Variants in PER3 observed in about 807,000 individuals in gnomAD.
PER3 encodes the protein period circadian protein homolog 3.
A neutral mutation model predicts 127.2 loss-of-function variants in PER3; 107 were observed. The ratio of observed to expected loss-of-function variants is 0.84; its 90% CI spans 0.72 to 0.99. The LOEUF is 0.99. Among genes scored for constraint, PER3 ranks in the 50% least tolerant of loss-of-function variants. PER3 has a pLI of 0.00. For missense variants in PER3, 1,560 were observed against 1,525.8 expected (o/e 1.02, Z -0.37); for synonymous variants, 618 against 585.8 (o/e 1.05, Z -0.79).
Position 7,827,559 on chromosome 1 carries a change from C to G in PER3, c.2630C>G (p.Pro877Arg), listed in dbSNP as rs137949562. ...TTGTCGCCATCGTTTTTGCCATGTC[C>G]ATTCCTGGGGGCGACAGCCTCTTCT... ...PLLSPSFLPC[P>R]FLGATASSAI... Residue 877 changes from proline (P) to arginine (R), a missense_variant, in exon 18 of 22, where the codon CCA (proline) becomes CGA (arginine). Pro to Arg is a moderately radical substitution (Grantham distance 103). This residue lies in a region of PER3 where 1,332 missense variants were observed against 1,223.6 expected (regional missense o/e 1.09). Transcript: ENST00000377532. 1 of 1,614,168 alleles carries G rather than the reference C, an allele frequency of 6.2e-7. No homozygotes were observed. The highest frequency in any genetic ancestry group is 8.5e-7 in the Non-Finnish European group (1 of 1,180,030).
Position 7,820,454 on chromosome 1 carries a change from C to A in PER3, c.1784-13C>A, listed in dbSNP as rs763936604. On this transcript the variant is annotated splice_polypyrimidine_tract_variant and intron_variant, in intron 15 of 21. Coordinates refer to ENST00000377532, the MANE Select transcript of PER3 (RefSeq NM_001377275.1). ...ATTTTTCTTTTCACTGTCAGTTTCT[C>A]TTACACCACCAGCTGGTTTGCAAAT... is the stretch of plus-strand genomic sequence containing the variant. 6.2e-7 allele frequency: 1 copy of A among 1,603,578 alleles called. No homozygotes were observed. Among genetic ancestry groups the A allele is most frequent in the Admixed American group, 1.7e-5 (1 of 58,244 alleles).
intron 3 of PER3, among the ~76,000 whole-genome samples, chr1:7,786,138 C>T (rs1292228175): frequency 6.6e-6 from 1 of 152,164 alleles, no homozygotes; most frequent in Non-Finnish European, 1.5e-5. Context: ...CGCCTGTAGT[C>T]CAGCTATTCG....
At chr1:7,796,145 T>C (rs1254036016) in intron 6 of PER3, among the ~76,000 whole-genome samples, 1 of 152,118 alleles carries the variant, frequency 6.6e-6, no homozygotes, top group Non-Finnish European at 1.5e-5. Context: ...AGACATTCCT[T>C]AGCCCAGACT....
chr1:7,795,098 TG>T (rs909466217), intron 6 of PER3, among the ~76,000 whole-genome samples: 1 of 151,778 alleles, frequency 6.6e-6, no homozygotes, highest in African/African-American at 2.4e-5. Context: ...TCTGGATGCT[TG>T]GGGGGGACGG....
chr1:7,786,930 A>G (rs2097094300), intron 4 of PER3, 94 bp downstream of exon 4: 1 of 734,226 alleles, frequency 1.4e-6, no homozygotes, highest in Non-Finnish European at 2.4e-6. Flanking sequence ...ACAACGTTTC[A>G]GCAACCACAA....
Position 7,803,772 on chromosome 1 carries a change from G to T in PER3, c.1060G>T (p.Asp354Tyr). The change falls in exon 10 of 22, where the codon GAT (aspartate) becomes TAT (tyrosine). Residue 354 changes from aspartate (D) to tyrosine (Y), a missense_variant. This residue lies in a region of PER3 where 1,332 missense variants were observed against 1,223.6 expected (regional missense o/e 1.09). Transcript: ENST00000377532. ...TCAAAACGGAGACTACATCATACTG[G>T]ATTCCAGTTGGTCCAGCTTTGTGAA... ...CTQNGDYIIL[D>Y]SSWSSFVNPW... is the part of the protein sequence containing the mutation. 6.2e-7 allele frequency: 1 copy of T among 1,612,812 alleles called. No homozygotes were observed. Among genetic ancestry groups the T allele is most frequent in the Non-Finnish European group, 8.5e-7 (1 of 1,178,840 alleles).
rs541957101 is a variant in PER3, at chr1:7,835,965, A to T, written c.3398+20A>T. On this transcript the variant is annotated intron_variant, in intron 20 of 21. Transcript: ENST00000377532. ...TGAGAGGTAAGAAAGCACTTTAGAA[A>T]ACCCACTTTTTATATTTTTGTGGTT... is the stretch of plus-strand genomic sequence containing the variant. 1 of 1,495,002 alleles carries T rather than the reference A, an allele frequency of 6.7e-7. No individual in the cohort carries two copies. The highest frequency in any genetic ancestry group is 1.2e-5 in the South Asian group (1 of 82,456). 92.6% of individuals were successfully genotyped at this position (1,495,002 alleles called of 1,614,324 possible).
At position 7,827,766 on chromosome 1, in the gene PER3, C is replaced by G. The variant is rs955130379; in HGVS notation, c.2837C>G (p.Ser946Cys). The change falls in exon 18 of 22, where the codon TCT (serine) becomes TGT (cysteine). Residue 946 changes from serine (S) to cysteine (C), a missense_variant. By Grantham distance (112) the Ser-to-Cys change is moderately radical. This residue lies in a region of PER3 where 1,332 missense variants were observed against 1,223.6 expected (regional missense o/e 1.09). Transcript: ENST00000377532. ...NLLQEEMPRPSESPDQMRRNT... is the reference protein window; with the variant it reads ...NLLQEEMPRPCESPDQMRRNT... Reference sequence around the variant, plus strand: ...CTTCAGGAAGAGATGCCCAGACCCTCTGAATCTCCAGATCAGATGAGAAGG... The same window carrying G: ...CTTCAGGAAGAGATGCCCAGACCCTGTGAATCTCCAGATCAGATGAGAAGG... 2.5e-6 allele frequency: 4 copies of G among 1,614,026 alleles called. No individual in the cohort carries two copies. Among genetic ancestry groups the G allele is most frequent in the Non-Finnish European group, 8.5e-7 (1 of 1,180,026 alleles).
At chr1:7,834,533 G>A (rs1577957287) in intron 19 of PER3, among the ~76,000 whole-genome samples, 1 of 152,136 alleles carries the variant, frequency 6.6e-6, no homozygotes, top group Non-Finnish European at 1.5e-5. Context: ...ATAGCTCACT[G>A]TAGCCTCAAA....
At chr1:7,809,051 A>G in intron 11 of PER3, 53 bp downstream of exon 11, 2 of 864,366 alleles carry the variant, frequency 2.3e-6, no homozygotes, top group Non-Finnish European at 3.8e-6. Flanking sequence ...TTTTGTTTTA[A>G]TGCTCAGTAA....
intron 5 of PER3, among the ~76,000 whole-genome samples, chr1:7,792,946 G>A (rs1348539605): frequency 6.6e-6 from 1 of 152,142 alleles, no homozygotes; most frequent in Non-Finnish European, 1.5e-5. Context: ...TGAATAAATG[G>A]TATAAGCAAA....
rs71567315 is a variant in PER3, at chr1:7,796,319, C to CTTTT, written c.645-2192_645-2189dup. On this transcript the variant is annotated intron_variant, in intron 6 of 21. Coordinates refer to ENST00000377532, the MANE Select transcript of PER3 (RefSeq NM_001377275.1). ...GGTAGGAAACGTTCATTTCAGTTTC[C>CTTTT]TTTTTTTTTTTTTTTTTGAGACAGG... Among the ~76,000 whole-genome samples the CTTTT allele has an allele frequency of 5.2e-4, 57 of 109,822 alleles. 1 individual carries two copies. The highest frequency in any genetic ancestry group is 1.6e-3 in the Admixed American group (14 of 8,788). The allele number at this position is 109,822 out of a possible 152,430, so 72.0% of individuals were successfully genotyped here. A position where few individuals can be genotyped will look rare whatever the true frequency, so the allele number is the denominator to read the frequency against.
In PER3 at chr1:7,794,000, C is replaced by T; in HGVS notation, c.636C>T (p.Cys212=). Residue 212 remains cysteine, a synonymous_variant, in exon 6 of 22, where the codon TGC becomes TGT. Transcript: ENST00000377532. ...YECAPVKPFF[C]RIRGGEDRKQ... is the part of the protein sequence containing the mutation. ...GTGCTCCGGTGAAACCTTTTTTCTG[C>T]AGGATCCGGTAAGTATAGTGGCTCG... 1 of 1,613,168 alleles carries T rather than the reference C, an allele frequency of 6.2e-7. No homozygotes were observed.
intron 21 of PER3, 166 bp from the exon 22 acceptor site, chr1:7,842,506 A>AAC (rs1363014356): frequency 2.0e-6 from 1 of 499,156 alleles, no homozygotes; most frequent in Non-Finnish European, 2.6e-6. Flanking sequence ...TCTCAAAAAA[A>AAC]AAAATAAAAA....
At position 7,803,810 on chromosome 1, in the gene PER3, G is replaced by C. The variant is rs766000822; in HGVS notation, c.1098G>C (p.Arg366=). 2.5e-6 allele frequency: 4 copies of C among 1,613,890 alleles called. No homozygotes were observed. The highest frequency in any genetic ancestry group is 3.4e-6 in the Non-Finnish European group (4 of 1,179,872). ...SWSSFVNPWS[R]KISFIIGRHK... is the part of the protein sequence containing the mutation. Reference sequence around the variant, plus strand: ...CCAGCTTTGTGAATCCCTGGAGCCGGAAGATTTCTTTCATCATTGGTCGGC... The same window carrying C: ...CCAGCTTTGTGAATCCCTGGAGCCGCAAGATTTCTTTCATCATTGGTCGGC... Residue 366 remains arginine (R), a synonymous_variant, in exon 10 of 22, where the codon CGG becomes CGC. Transcript: ENST00000377532.
At position 7,826,289 on chromosome 1, in the gene PER3, A is replaced by G. The variant is rs969405626; in HGVS notation, c.1958-191A>G. On this transcript the variant is annotated intron_variant, in intron 16 of 21. Transcript: ENST00000377532. The surrounding 1 kb of genome is among the most constrained non-coding windows in gnomAD (Gnocchi z 4.2). ...ATTGATTATCACAACTGTAAAATGT[A>G]TGTGCATTTGTGCAAAGAATATAAA... Among the ~76,000 whole-genome samples, 16 of 152,348 alleles carry G rather than the reference A, an allele frequency of 1.1e-4. No individual in the cohort carries two copies. Among genetic ancestry groups the G allele is most frequent in the African/African-American group, 3.8e-4 (16 of 41,584 alleles).
At chr1:7,790,405 C>T (rs529429324) in intron 5 of PER3, among the ~76,000 whole-genome samples, 1 of 152,276 alleles carries the variant, frequency 6.6e-6, no homozygotes, top group African/African-American at 2.4e-5. Context: ...CTCTTGAGAA[C>T]TTACTATCAT....
intron 13 of PER3, among the ~76,000 whole-genome samples, chr1:7,812,624 CAA>C (rs35962033): frequency 0.016 from 1,371 of 85,292 alleles, 12 homozygotes; most frequent in African/African-American, 0.065. Flanking sequence ...GACTCCGTCT[CAA>C]AAAAAAAAAA....
intron 21 of PER3, among the ~76,000 whole-genome samples, chr1:7,839,886 T>C (rs949232044): frequency 1.3e-5 from 2 of 152,192 alleles, no homozygotes; most frequent in African/African-American, 4.8e-5. Context: ...TTGGAGTTCA[T>C]TTAGCCTCTT....
Sources: gnomAD v4.1 joint callset for allele counts (sites outside exome capture counted in the v4.1 genomes callset) on GRCh38, gnomAD v4.1.1 for gene constraint, gnomAD v4.1.1 regional missense constraint, Gnocchi (gnomAD v3.1) non-coding constraint, MANE v1.5 for transcripts, NCBI Gene and HGNC (gene_info 2026-07-23, HGNC 2026-07-21) for gene names.